THRB: variants seen among roughly 807,000 people sequenced by gnomAD.
The protein encoded by THRB is nuclear receptor subfamily 1 group A member 2.
A neutral mutation model predicts 47.8 loss-of-function variants in THRB; 12 were observed. The observed-to-expected ratio is 0.25, with a 90% CI of 0.16 to 0.41. The LOEUF (loss-of-function observed/expected upper bound fraction) is 0.41. Among genes scored for constraint, THRB ranks in the 10% least tolerant of loss-of-function variants. The probability of loss-of-function intolerance (pLI) is 1.00; values close to 1 mark genes in which losing one functional copy is unlikely to be tolerated. For synonymous variants in THRB, 218 were observed against 212.2 expected (o/e 1.03, Z -0.24); for missense variants, 348 against 589.2 (o/e 0.59, Z 4.24).
At chr3:24,159,727 CTGTGTGTGTGTGTGTGTGTG>C (rs67972581) in intron 5 of THRB, among the ~76,000 whole-genome samples, 4 of 145,328 alleles carry the variant, frequency 2.8e-5, no homozygotes, top group Non-Finnish European at 6.0e-5. Flanking sequence ...GCCACAACTG[CTGTGTGTGTGTGTGTGTGTG>C]TGTGTGTGTG....
At chr3:24,329,172 T>A (rs964744556) in intron 2 of THRB, among the ~76,000 whole-genome samples, 1 of 152,156 alleles carries the variant, frequency 6.6e-6, no homozygotes, top group East Asian at 1.9e-4. Context: ...CTCAAACTCC[T>A]GGCCCCAAAA....
chr3:24,339,816 C>T (rs1474344639), intron 1 of THRB, among the ~76,000 whole-genome samples: 2 of 152,170 alleles, frequency 1.3e-5, no homozygotes, highest in Non-Finnish European at 2.9e-5. Context: ...AAGGAGACTG[C>T]CTAGTTTTGT....
chr3:24,328,451 C>T (rs1484841390), intron 2 of THRB, among the ~76,000 whole-genome samples: 1 of 152,072 alleles, frequency 6.6e-6, no homozygotes, highest in African/African-American at 2.4e-5. Context: ...ATGTCCAAAC[C>T]CAAACTCACC....
At chr3:24,389,212 A>G (rs2149946895) in intron 1 of THRB, among the ~76,000 whole-genome samples, 1 of 152,278 alleles carries the variant, frequency 6.6e-6, no homozygotes, top group Middle Eastern at 3.4e-3. Context: ...AGTAGCTCAT[A>G]TCATAGAATT....
intron 4 of THRB, among the ~76,000 whole-genome samples, chr3:24,223,732 T>C (rs765901137): frequency 6.6e-6 from 1 of 151,996 alleles, no homozygotes; most frequent in Non-Finnish European, 1.5e-5. Flanking sequence ...AGAAGAGATA[T>C]GTACTAAATT....
intron 1 of THRB, among the ~76,000 whole-genome samples, chr3:24,471,087 G>T (rs989517447): frequency 6.6e-6 from 1 of 152,202 alleles, no homozygotes; most frequent in African/African-American, 2.4e-5. Context: ...CTGACTGAAA[G>T]AGTGGGACCC....
chr3:24,443,529 A>T (rs1220480109), intron 1 of THRB, among the ~76,000 whole-genome samples: 2 of 152,214 alleles, frequency 1.3e-5, no homozygotes, highest in Non-Finnish European at 2.9e-5. Context: ...TCAACTAAAG[A>T]CCAAATCATT....
At chr3:24,429,119 G>C (rs2070099676) in intron 1 of THRB, among the ~76,000 whole-genome samples, 1 of 151,594 alleles carries the variant, frequency 6.6e-6, no homozygotes. Flanking sequence ...AATTCTATAA[G>C]TTACATTTTA....
At chr3:24,174,734 A>G (rs1321519111) in intron 5 of THRB, among the ~76,000 whole-genome samples, 8 of 152,188 alleles carry the variant, frequency 5.3e-5, no homozygotes, top group Non-Finnish European at 8.8e-5. Flanking sequence ...TCCTGCGTAC[A>G]GTGGCCCATG....
chr3:24,353,272 A>ATAGCC (rs57823708), intron 1 of THRB, among the ~76,000 whole-genome samples: 7,177 of 152,172 alleles, frequency 0.047, 222 homozygotes, highest in Middle Eastern at 0.092. Flanking sequence ...AAAGGTTTAG[A>ATAGCC]TAGCCTACAC....
At chr3:24,193,822 CATGTTT>C (rs1335135785) in intron 4 of THRB, among the ~76,000 whole-genome samples, 1 of 152,154 alleles carries the variant, frequency 6.6e-6, no homozygotes, top group Non-Finnish European at 1.5e-5. Context: ...TTTGCACACA[CATGTTT>C]ATAACAGCAC....
At chr3:24,212,072 T>C (rs2046085295) in intron 4 of THRB, among the ~76,000 whole-genome samples, 1 of 152,154 alleles carries the variant, frequency 6.6e-6, no homozygotes, top group Non-Finnish European at 1.5e-5. Flanking sequence ...GAGACCAGCC[T>C]GGCCAACATG....
At chr3:24,174,432 C>G (rs1239833797) in intron 5 of THRB, among the ~76,000 whole-genome samples, 4 of 152,150 alleles carry the variant, frequency 2.6e-5, no homozygotes, top group African/African-American at 7.2e-5. Flanking sequence ...CAAGAGGTTT[C>G]TATACCTCTC....
rs1394760 is a variant in THRB, at chr3:24,376,110, T to C, written c.-260-38739A>G. 7.4e-3 allele frequency among the ~76,000 whole-genome samples: 1,130 copies of C among 152,292 alleles called. 12 individuals carry two copies. Among genetic ancestry groups the C allele is most frequent in the African/African-American group, 0.026 (1,066 of 41,578 alleles). ...AGCTTGGCGAGTGATCAAATTTATG[T>C]GTGCTTCAGTTGCAGTATATTGAAA... On this transcript the variant is annotated intron_variant, in intron 1 of 10. Transcript: ENST00000646209.
rs1472942532 is a variant in THRB, at chr3:24,280,676, T to C, written c.-43+16550A>G. Among the ~76,000 whole-genome samples, 3 of 151,738 alleles carry C rather than the reference T, an allele frequency of 2.0e-5. No individual in the cohort carries two copies. The East Asian group carries it at 5.8e-4, about 29-fold the overall frequency. On this transcript the variant is annotated intron_variant, in intron 3 of 10. Transcript: ENST00000646209. ...GACATTCAAACCAAAGGCAAATAAG[T>C]TGAAAACTTTGAAAAAAACTTAGAA... is the stretch of plus-strand genomic sequence containing the variant.
chr3:24,424,182 C>T (rs1022128202), intron 1 of THRB, among the ~76,000 whole-genome samples: 4 of 151,764 alleles, frequency 2.6e-5, no homozygotes, highest in South Asian at 2.1e-4. Context: ...CTTTCATTCC[C>T]GCCCGTCTAC....
At chr3:24,281,405 C>G (rs1316717172) in intron 3 of THRB, among the ~76,000 whole-genome samples, 1 of 151,804 alleles carries the variant, frequency 6.6e-6, no homozygotes, top group Non-Finnish European at 1.5e-5. Context: ...TTTGTCACCA[C>G]CAGGCCTGCC....
chr3:24,354,410 T>C (rs999651620), intron 1 of THRB, among the ~76,000 whole-genome samples: 11 of 152,212 alleles, frequency 7.2e-5, no homozygotes, highest in African/African-American at 2.7e-4. Flanking sequence ...CTTCAAATGC[T>C]ATCACAAATT....
At chr3:24,127,412 G>T (rs184529094) in intron 10 of THRB, 87 bp downstream of exon 10, 6 of 1,409,752 alleles carry the variant, frequency 4.3e-6, no homozygotes, top group Non-Finnish European at 5.0e-6. Context: ...TGAAGCTAAA[G>T]GGGGACTGAA....
Sources: allele counts gnomAD v4.1 joint callset (sites outside exome capture counted in the v4.1 genomes callset), GRCh38; gene constraint gnomAD v4.1.1; transcripts MANE v1.5; gene names NCBI Gene and HGNC (gene_info 2026-07-23, HGNC 2026-07-21).